HECW1: variants seen among roughly 807,000 people sequenced by gnomAD.
HECW1 encodes E3 ubiquitin-protein ligase HECW1.
In HECW1, 61 loss-of-function variants were observed where a neutral mutation model predicts 182.3. The observed-to-expected ratio is 0.33, with a 90% CI of 0.27 to 0.41. The LOEUF is 0.41. Ranked by LOEUF, HECW1 falls within the 10% of genes least tolerant of loss-of-function variation. HECW1 has a pLI of 1.00. For synonymous variants in HECW1, 859 were observed against 832.6 expected (o/e 1.03, Z -0.55); for missense variants, 1,739 against 2,108.9 (o/e 0.82, Z 3.44).
At chr7:43,114,436 C>T (rs1299658865) in intron 2 of HECW1, 45 bp downstream of exon 2, 17 of 1,323,508 alleles carry the variant, frequency 1.3e-5, no homozygotes, top group Non-Finnish European at 1.7e-5. Flanking sequence ...TGTGTGTTTT[C>T]CACTAAGAAG....
At chr7:43,357,912 T>A (rs1815370787) in intron 5 of HECW1, among the ~76,000 whole-genome samples, 2 of 152,238 alleles carry the variant, frequency 1.3e-5, no homozygotes, top group South Asian at 4.2e-4. Flanking sequence ...AAACTATAAA[T>A]GGAAGAAACA....
At chr7:43,505,632 G>A (rs762356373) in intron 21 of HECW1, among the ~76,000 whole-genome samples, 30 of 152,164 alleles carry the variant, frequency 2.0e-4, no homozygotes, top group South Asian at 6.2e-4. Context: ...TTTCCATTCC[G>A]CCACAGGACC....
chr7:43,503,681 A>G lies in HECW1; in HGVS notation c.3631+2359A>G, dbSNP rs950113782. On this transcript the variant is annotated intron_variant, in intron 21 of 29. Coordinates refer to ENST00000395891, the MANE Select transcript of HECW1 (RefSeq NM_015052.5). ...AAATACGTTGATTTTAAACTTTACAATCCCCATTCTCTTAGACTGGTATGA... is the reference window on the plus strand; with the variant it reads ...AAATACGTTGATTTTAAACTTTACAGTCCCCATTCTCTTAGACTGGTATGA... Among the ~76,000 whole-genome samples, 5 of 151,802 alleles carry G rather than the reference A, an allele frequency of 3.3e-5. No individual in the cohort carries two copies. The East Asian group carries it at 9.8e-4, about 30-fold the overall frequency.
intron 6 of HECW1, among the ~76,000 whole-genome samples, chr7:43,373,486 G>A (rs995123361): frequency 6.6e-6 from 1 of 151,338 alleles, no homozygotes; most frequent in Non-Finnish European, 1.5e-5. Flanking sequence ...TCCCTGTCTC[G>A]CTCTGAAAAA....
intron 5 of HECW1, among the ~76,000 whole-genome samples, chr7:43,351,905 G>A (rs905209609): frequency 1.3e-5 from 2 of 152,118 alleles, no homozygotes; most frequent in African/African-American, 2.4e-5. Flanking sequence ...TAAGGCTGGT[G>A]TATTTCTCAA....
intron 2 of HECW1, among the ~76,000 whole-genome samples, chr7:43,159,827 C>A (rs534855731): frequency 1.2e-4 from 18 of 151,954 alleles, no homozygotes; most frequent in African/African-American, 3.9e-4. Context: ...CTACAGGTGC[C>A]CACCACCACG....
intron 3 of HECW1, among the ~76,000 whole-genome samples, chr7:43,265,849 G>T (rs571608712): frequency 6.6e-6 from 1 of 152,272 alleles, no homozygotes; most frequent in South Asian, 2.1e-4. Context: ...CAGGTTCAAT[G>T]ATCTGCTAGA....
intron 7 of HECW1, among the ~76,000 whole-genome samples, chr7:43,403,997 T>C (rs1418571105): frequency 1.3e-5 from 2 of 152,202 alleles, no homozygotes; most frequent in Non-Finnish European, 1.5e-5. Context: ...CATTTACTTT[T>C]GGAAAATTCT....
intron 8 of HECW1, among the ~76,000 whole-genome samples, chr7:43,434,868 C>T (rs1428786068): frequency 6.6e-6 from 1 of 152,124 alleles, no homozygotes; most frequent in East Asian, 1.9e-4. Flanking sequence ...GAAATAGTCT[C>T]ATTTTAATAA....
At chr7:43,555,093 A>G (rs1585290737) in intron 29 of HECW1, among the ~76,000 whole-genome samples, 1 of 152,310 alleles carries the variant, frequency 6.6e-6, no homozygotes, top group East Asian at 1.9e-4. Context: ...GACACAGGAG[A>G]GGGCAGAGGC....
intron 24 of HECW1, among the ~76,000 whole-genome samples, chr7:43,531,186 C>T (rs957259381): frequency 1.3e-5 from 2 of 152,188 alleles, no homozygotes; most frequent in African/African-American, 2.4e-5. Flanking sequence ...CTTAAGCAAA[C>T]TAATTTCTAT....
rs765202502 is a variant in HECW1, at chr7:43,445,166, G to A, written c.1994G>A (p.Gly665Asp). The A allele has an allele frequency of 2.5e-6, 4 of 1,611,256 alleles. No individual in the cohort carries two copies. In the Admixed American group the frequency reaches 5.0e-5, roughly 20 times the overall value. Residue 665 changes from glycine (G) to aspartate (D), a missense_variant, in exon 11 of 30, where the codon GGC becomes GAC. Around this residue, in one of 5 missense-constraint regions of HECW1, gnomAD observed 971 missense variants for 1,029.1 expected, o/e 0.94. Coordinates refer to ENST00000395891, the MANE Select transcript of HECW1 (RefSeq NM_015052.5). The part of the protein sequence containing the change: ...GSESDSSPRQ[G>D]GDHSCEGCDA... ...GAGAGCGACTCCAGCCCCAGGCAAG[G>A]CGGGGACCACAGTTGCGAGGGCTGT...
chr7:43,172,226 G>A (rs1285369388), intron 2 of HECW1, among the ~76,000 whole-genome samples: 4 of 151,942 alleles, frequency 2.6e-5, no homozygotes, highest in Non-Finnish European at 5.9e-5. Context: ...CCCAGGAGGT[G>A]GAGGTTGCAG....
intron 2 of HECW1, among the ~76,000 whole-genome samples, chr7:43,181,256 T>G (rs1220423120): frequency 6.6e-6 from 1 of 150,992 alleles, no homozygotes; most frequent in Admixed American, 6.6e-5. Flanking sequence ...TGATGGATAC[T>G]TAGGTTGTTT....
intron 2 of HECW1, among the ~76,000 whole-genome samples, chr7:43,210,515 A>AG (rs2152694770): frequency 6.6e-6 from 1 of 151,742 alleles, no homozygotes; most frequent in East Asian, 2.0e-4. Flanking sequence ...AGAGCTCCCA[A>AG]GATGGTGTTG....
chr7:43,315,465 G>GTTATTA (rs58930495), intron 4 of HECW1, among the ~76,000 whole-genome samples: 39 of 131,132 alleles, frequency 3.0e-4, no homozygotes, highest in East Asian at 9.9e-4. Context: ...CATTATTATT[G>GTTATTA]TTATTATTAT....
intron 2 of HECW1, among the ~76,000 whole-genome samples, chr7:43,224,716 G>A (rs186500052): frequency 2.0e-5 from 3 of 152,340 alleles, no homozygotes; most frequent in Admixed American, 2.0e-4. Context: ...TCAGTAAGCT[G>A]AAGTGAGAGG....
Position 43,376,698 on chromosome 7 carries a change from C to G in HECW1, c.555+15718C>G, listed in dbSNP as rs566082966. On this transcript the variant is annotated intron_variant, in intron 6 of 29. Transcript: ENST00000395891. Reference sequence around the variant, plus strand: ...TGGCTGACATGGTGAAACCCCATCTCCACCAAAAATATAAAAAATTAGCTG... The same window carrying G: ...TGGCTGACATGGTGAAACCCCATCTGCACCAAAAATATAAAAAATTAGCTG... 3.9e-5 allele frequency among the ~76,000 whole-genome samples: 6 copies of G among 152,116 alleles called. No individual in the cohort carries two copies. The South Asian group carries it at 1.0e-3, about 26-fold the overall frequency.
chr7:43,504,049 T>A (rs2152925902), intron 21 of HECW1, among the ~76,000 whole-genome samples: 1 of 151,948 alleles, frequency 6.6e-6, no homozygotes, highest in Non-Finnish European at 1.5e-5. Context: ...CTCAGCCATA[T>A]CCCTCCCCTC....
Sources: gnomAD v4.1 joint callset for allele counts (sites outside exome capture counted in the v4.1 genomes callset) on GRCh38, gnomAD v4.1.1 for gene constraint, gnomAD v4.1.1 regional missense constraint, MANE v1.5 for transcripts, NCBI Gene and HGNC (gene_info 2026-07-23, HGNC 2026-07-21) for gene names.